GLI3: variants seen among roughly 807,000 people sequenced by gnomAD.
GLI3 encodes transcription activator GLI3.
A neutral mutation model predicts 100.8 loss-of-function variants in GLI3; 20 were observed. The ratio of observed to expected loss-of-function variants is 0.20; its 90% confidence interval spans 0.14 to 0.29. GLI3 has a LOEUF of 0.29. Ranked by LOEUF, GLI3 falls within the 10% of genes least tolerant of loss-of-function variation. GLI3 has a pLI of 1.00. For missense variants in GLI3, 2,040 were observed against 2,128.5 expected, an observed-to-expected ratio of 0.96 and a Z score of 0.82; for synonymous variants, 938 against 860.5, an observed-to-expected ratio of 1.09 and a Z score of -1.58.
At chr7:41,968,728 GA>G (rs777357558) in intron 13 of GLI3, among the ~76,000 whole-genome samples, 1,944 of 105,520 alleles carry the variant, frequency 0.018, 86 homozygotes, top group African/African-American at 0.09. Context: ...AAGAAAGAAA[GA>G]AAGAAAGAAA....
At chr7:42,048,151 T>C (rs575809583) in intron 5 of GLI3, among the ~76,000 whole-genome samples, 1 of 152,298 alleles carries the variant, frequency 6.6e-6, no homozygotes, top group African/African-American at 2.4e-5. Context: ...TCTAATCATA[T>C]GTGAAGCAGC....
Position 42,021,644 on chromosome 7 carries a change from G to A in GLI3, c.1497+1824C>T, listed in dbSNP as rs565962955. The stretch of plus-strand genomic sequence containing the variant: ...ACAATTCATTTTAAATGTAGACTTA[G>A]AATAAGCTCTTATTTCATTCCTGAT... On this transcript the variant is annotated intron_variant, in intron 10 of 14. Coordinates refer to ENST00000395925, the MANE Select transcript of GLI3 (RefSeq NM_000168.6). Among the ~76,000 whole-genome samples, 10 of 152,298 alleles carry A rather than the reference G, an allele frequency of 6.6e-5. No individual in the cohort carries two copies. In the South Asian group the frequency reaches 2.1e-3, roughly 32 times the overall value.
At chr7:42,030,955 G>A (rs1428386429) in intron 7 of GLI3, among the ~76,000 whole-genome samples, 2 of 152,154 alleles carry the variant, frequency 1.3e-5, no homozygotes, top group African/African-American at 4.8e-5. Context: ...CTGACCTCAA[G>A]TGATCCGGCC....
Position 41,964,643 on chromosome 7 carries a change from G to A in GLI3, c.4430C>T (p.Ser1477Phe). Reference protein sequence around the residue: ...CLLQGTSAKNSELLSPGANQV... With the variant: ...CLLQGTSAKNFELLSPGANQV... Reference sequence around the variant, plus strand: ...ATTAGCACCTGGGGAAAGTAACTCAGAGTTTTTGGCGCTGGTCCCCTGTAG... The same window carrying A: ...ATTAGCACCTGGGGAAAGTAACTCAAAGTTTTTGGCGCTGGTCCCCTGTAG... Residue 1477 changes from serine (S) to phenylalanine (F), a missense_variant, in exon 15 of 15, where the codon TCT (serine) becomes TTT (phenylalanine). Around this residue, in one of 5 missense-constraint regions of GLI3, gnomAD observed 1,041 missense variants for 924.0 expected, o/e 1.13. Coordinates refer to ENST00000395925, the MANE Select transcript of GLI3 (RefSeq NM_000168.6). 6.2e-7 allele frequency: 1 copy of A among 1,614,122 alleles called. No individual in the cohort carries two copies. Among genetic ancestry groups the A allele is most frequent in the East Asian group, 2.2e-5 (1 of 44,876 alleles).
intron 3 of GLI3, among the ~76,000 whole-genome samples, chr7:42,104,995 C>G (rs946412858): frequency 1.3e-5 from 2 of 152,212 alleles, no homozygotes; most frequent in Non-Finnish European, 2.9e-5. Flanking sequence ...GCAGCCTGAA[C>G]AGATTAAGAC....
chr7:42,180,269 A>G (rs796898943), intron 2 of GLI3, among the ~76,000 whole-genome samples: 3 of 152,306 alleles, frequency 2.0e-5, no homozygotes, highest in African/African-American at 7.2e-5. Context: ...CCACTGGTCT[A>G]AGCAACCAGA....
At chr7:42,078,782 T>C (rs929680755) in intron 3 of GLI3, among the ~76,000 whole-genome samples, 1 of 141,492 alleles carries the variant, frequency 7.1e-6, no homozygotes. Context: ...CAGACTGGAG[T>C]GCAGTGGCTC....
chr7:42,029,612 T>C (rs956662720), intron 7 of GLI3, among the ~76,000 whole-genome samples: 1 of 152,076 alleles, frequency 6.6e-6, no homozygotes, highest in Non-Finnish European at 1.5e-5. Flanking sequence ...CTGCATCCTT[T>C]TGCCTCCTGT....
Position 41,965,944 on chromosome 7 carries a change from A to G in GLI3, c.3129T>C (p.Ser1043=). 6.2e-7 allele frequency: 1 copy of G among 1,612,362 alleles called. No homozygotes were observed. Among genetic ancestry groups the G allele is most frequent in the South Asian group, 1.1e-5 (1 of 91,078 alleles). Residue 1043 remains serine, a synonymous_variant, in exon 15 of 15, where the codon AGT becomes AGC. Coordinates refer to ENST00000395925, the MANE Select transcript of GLI3 (RefSeq NM_000168.6). ...GCCGCGTGTAATTCTGAAGCACGAG[A>G]CTGCGCTTCTCCGCGGACGTGGCCA... The part of the protein sequence containing the change: ...PAMATSAEKR[S]LVLQNYTRPE...
intron 10 of GLI3, among the ~76,000 whole-genome samples, chr7:41,995,278 G>A (rs1480065068): frequency 7.2e-5 from 11 of 152,166 alleles, no homozygotes; most frequent in Admixed American, 3.9e-4. Context: ...GAATCCATCC[G>A]TCATAGATGT....
In GLI3 at chr7:42,040,048, T is replaced by A. The variant is rs767224180; in HGVS notation, c.1018A>T (p.Ser340Cys). ...ASGSYGHLSA[S>C]AISPALSFTY... ...CAGGAAAATACATACCTGATTGCAC[T>A]TGCAGATAAGTGACCATAGGAGCCA... The change falls in exon 7 of 15, where the codon AGT becomes TGT. Residue 340 changes from serine (S) to cysteine (C), a missense_variant. Physicochemically the swap from Ser to Cys is moderately radical, Grantham distance 112. Around this residue, in one of 5 missense-constraint regions of GLI3, gnomAD observed 603 missense variants for 690.9 expected, o/e 0.87. Transcript: ENST00000395925. 2 of 1,611,026 alleles carry A rather than the reference T, an allele frequency of 1.2e-6. No homozygotes were observed. The highest frequency in any genetic ancestry group is 2.7e-5 in the African/African-American group (2 of 74,860).
intron 3 of GLI3, among the ~76,000 whole-genome samples, chr7:42,084,698 T>A (rs936612293): frequency 1.6e-4 from 25 of 152,204 alleles, no homozygotes; most frequent in African/African-American, 6.0e-4. Context: ...AAATCACATG[T>A]AAACATATAA....
At chr7:42,193,445 C>A (rs1284080326) in intron 2 of GLI3, among the ~76,000 whole-genome samples, 1 of 151,836 alleles carries the variant, frequency 6.6e-6, no homozygotes, top group African/African-American at 2.4e-5. Flanking sequence ...CACCTTTGAT[C>A]TAGAGTTCCA....
intron 3 of GLI3, among the ~76,000 whole-genome samples, chr7:42,135,094 A>G (rs1427644998): frequency 6.6e-6 from 1 of 152,100 alleles, no homozygotes; most frequent in African/African-American, 2.4e-5. Context: ...TTATCTTGCT[A>G]TTTTACACTT....
intron 3 of GLI3, chr7:42,113,585 C>T: frequency 1.9e-6 from 2 of 1,045,842 alleles, no homozygotes; most frequent in Non-Finnish European, 1.5e-6. Flanking sequence ...CAAAAAAGAC[C>T]AGGCCCAGAA....
At chr7:42,124,061 C>T (rs1786067307) in intron 3 of GLI3, among the ~76,000 whole-genome samples, 1 of 152,122 alleles carries the variant, frequency 6.6e-6, no homozygotes, top group African/African-American at 2.4e-5. Flanking sequence ...GCTGCCTCTC[C>T]CCACTGTCTT....
intron 2 of GLI3, among the ~76,000 whole-genome samples, chr7:42,169,173 C>A (rs755948898): frequency 6.6e-6 from 1 of 152,136 alleles, no homozygotes; most frequent in Non-Finnish European, 1.5e-5. Context: ...TGCTTCAGAT[C>A]TGTCTCTGTG....
At position 42,148,382 on chromosome 7, in the gene GLI3, C is replaced by A. The variant is rs143843875; in HGVS notation, c.211G>T (p.Val71Phe). ...QPQNVQGLSK[V>F]SEEPSTSSDE... ...CTCGATGTTGAAGGTTCCTCACTGA[C>A]TTTGCTGAGCCCCTGGACATTCTGT... Residue 71 changes from valine (V) to phenylalanine (F), a missense_variant, in exon 3 of 15, where the codon GTC becomes TTC. Val to Phe is a conservative substitution (Grantham distance 50). Around this residue, in one of 5 missense-constraint regions of GLI3, gnomAD observed 603 missense variants for 690.9 expected, o/e 0.87. Transcript: ENST00000395925. 1 of 1,614,180 alleles carries A rather than the reference C, an allele frequency of 6.2e-7. No individual in the cohort carries two copies. Among genetic ancestry groups the A allele is most frequent in the African/African-American group, 1.3e-5 (1 of 75,056 alleles).
intron 10 of GLI3, among the ~76,000 whole-genome samples, chr7:41,996,745 T>C (rs1463341954): frequency 6.6e-6 from 1 of 152,218 alleles, no homozygotes; most frequent in Non-Finnish European, 1.5e-5. Context: ...AAATGCAGCT[T>C]GCTTTTCAGC....
Sources: gnomAD v4.1 joint callset for allele counts (sites outside exome capture counted in the v4.1 genomes callset) on GRCh38, gnomAD v4.1.1 for gene constraint, gnomAD v4.1.1 regional missense constraint, MANE v1.5 for transcripts, NCBI Gene and HGNC (gene_info 2026-07-23, HGNC 2026-07-21) for gene names.